The following CAPZA2 variants were observed in gnomAD, a reference collection of about 807,000 sequenced individuals.
CAPZA2 encodes the protein F-actin-capping protein subunit alpha-2.
Under a neutral mutation model 44.0 loss-of-function variants are expected in CAPZA2, and 13 were observed. That is an observed-to-expected ratio of 0.30 (90% CI 0.19 to 0.47). The LOEUF (loss-of-function observed/expected upper bound fraction) is 0.47. Ranked by LOEUF, CAPZA2 falls within the 20% of genes least tolerant of loss-of-function variation. CAPZA2 has a pLI of 1.00. For synonymous variants in CAPZA2, 94 were observed against 108.2 expected, an observed-to-expected ratio of 0.87 and a Z score of 0.81; for missense variants, 244 against 338.6, an observed-to-expected ratio of 0.72 and a Z score of 2.19.
At chr7:116,865,836 A>G (rs944931240) in intron 1 of CAPZA2, among the ~76,000 whole-genome samples, 1 of 151,870 alleles carries the variant, frequency 6.6e-6, no homozygotes, top group Non-Finnish European at 1.5e-5. Context: ...CCACTTGGGC[A>G]TCCTAAAGTG....
At chr7:116,898,890 T>C in intron 4 of CAPZA2, 55 bp downstream of exon 4, 1 of 1,060,478 alleles carries the variant, frequency 9.4e-7, no homozygotes, top group Non-Finnish European at 1.4e-6. Flanking sequence ...TAAGGTATCC[T>C]GCAAGAGCTG....
At chr7:116,907,620 A>T (rs1279952174) in intron 6 of CAPZA2, among the ~76,000 whole-genome samples, 1 of 152,194 alleles carries the variant, frequency 6.6e-6, no homozygotes, top group Non-Finnish European at 1.5e-5. Context: ...TTTAACATAT[A>T]TAAAATGAAG....
chr7:116,907,243 G>A (rs1791529670), intron 6 of CAPZA2, among the ~76,000 whole-genome samples: 1 of 152,126 alleles, frequency 6.6e-6, no homozygotes, highest in Non-Finnish European at 1.5e-5. Flanking sequence ...AAGAATATTT[G>A]GAGGAATGCA....
intron 1 of CAPZA2, among the ~76,000 whole-genome samples, chr7:116,864,359 C>T (rs1441444087): frequency 6.6e-6 from 1 of 152,140 alleles, no homozygotes. Flanking sequence ...GCCTTATTAT[C>T]TGGCACTCTC....
intron 4 of CAPZA2, among the ~76,000 whole-genome samples, chr7:116,899,675 T>C (rs1313185741): frequency 8.2e-5 from 12 of 146,226 alleles, no homozygotes; most frequent in African/African-American, 3.0e-4. Flanking sequence ...TTTTTTTTGC[T>C]TTTTCTTTAC....
intron 8 of CAPZA2, chr7:116,915,468 T>G (rs913303228): frequency 1.7e-4 from 26 of 152,286 alleles, no homozygotes; most frequent in African/African-American, 6.0e-4. Context: ...TTCATTGTTT[T>G]ATATTTTTAC....
chr7:116,912,755 T>G (rs1018743819), intron 8 of CAPZA2, among the ~76,000 whole-genome samples: 1 of 152,244 alleles, frequency 6.6e-6, no homozygotes. Context: ...GTTCTACTTT[T>G]TGCTGCTGTG....
chr7:116,902,410 A>G (rs1378302883), intron 4 of CAPZA2, among the ~76,000 whole-genome samples: 2 of 152,322 alleles, frequency 1.3e-5, no homozygotes, highest in East Asian at 3.9e-4. Context: ...ATATTTTATT[A>G]TATTTGCTCA....
intron 8 of CAPZA2, among the ~76,000 whole-genome samples, chr7:116,914,031 T>TC (rs1448405465): frequency 6.7e-6 from 1 of 148,972 alleles, no homozygotes; most frequent in Non-Finnish European, 1.5e-5. Context: ...GAAAATTTTT[T>TC]TTTTTTTTTT....
At chr7:116,877,670 T>A (rs1268404846) in intron 1 of CAPZA2, among the ~76,000 whole-genome samples, 1 of 152,244 alleles carries the variant, frequency 6.6e-6, no homozygotes, top group Non-Finnish European at 1.5e-5. Flanking sequence ...AGTGGAGCTG[T>A]AGTCTGAATC....
chr7:116,896,272 A>G (rs531611609), intron 3 of CAPZA2, among the ~76,000 whole-genome samples: 13 of 152,236 alleles, frequency 8.5e-5, no homozygotes, highest in Admixed American at 2.6e-4. Context: ...CCAACTCAGT[A>G]TGTTTCAGAG....
At chr7:116,914,426 C>A (rs1791648675) in intron 8 of CAPZA2, among the ~76,000 whole-genome samples, 1 of 119,222 alleles carries the variant, frequency 8.4e-6, no homozygotes, top group South Asian at 3.2e-4. Context: ...TTTACATATA[C>A]ATACATACAC....
intron 3 of CAPZA2, among the ~76,000 whole-genome samples, chr7:116,894,761 T>C (rs1307641476): frequency 6.6e-6 from 1 of 152,230 alleles, no homozygotes; most frequent in Non-Finnish European, 1.5e-5. Flanking sequence ...TATTTGCCTT[T>C]TGTGACTGGT....
chr7:116,873,522 C>G (rs1031443997), intron 1 of CAPZA2: 1 of 152,894 alleles, frequency 6.5e-6, no homozygotes, highest in African/African-American at 2.4e-5. Flanking sequence ...TTTAAAATCT[C>G]CTGGAACTCA....
intron 1 of CAPZA2, among the ~76,000 whole-genome samples, chr7:116,869,649 C>T (rs1796525372): frequency 6.6e-6 from 1 of 152,114 alleles, no homozygotes; most frequent in Non-Finnish European, 1.5e-5. Context: ...GGATATAGTT[C>T]AGTAACAAAA....
At chr7:116,885,302 G>A (rs1585005862) in intron 1 of CAPZA2, among the ~76,000 whole-genome samples, 1 of 150,756 alleles carries the variant, frequency 6.6e-6, no homozygotes, top group Non-Finnish European at 1.5e-5. Context: ...TTGGTATCAT[G>A]TCTGTGTGTG....
At chr7:116,893,870 G>T (rs923277900) in intron 3 of CAPZA2, among the ~76,000 whole-genome samples, 1 of 152,042 alleles carries the variant, frequency 6.6e-6, no homozygotes, top group African/African-American at 2.4e-5. Flanking sequence ...ATGACTTTTC[G>T]CAGCTATCCT....
intron 7 of CAPZA2, among the ~76,000 whole-genome samples, chr7:116,911,217 G>A (rs992583347): frequency 3.3e-5 from 5 of 152,118 alleles, no homozygotes; most frequent in Non-Finnish European, 7.4e-5. Context: ...AGGATTGTCT[G>A]ATTCACAGTA....
chr7:116,913,166 C>A (rs1203420472), intron 8 of CAPZA2, among the ~76,000 whole-genome samples: 1 of 152,130 alleles, frequency 6.6e-6, no homozygotes, highest in East Asian at 1.9e-4. Flanking sequence ...TTCATATATT[C>A]TGGATACAAG....
Sources: allele counts gnomAD v4.1 joint callset (sites outside exome capture counted in the v4.1 genomes callset), GRCh38; gene constraint gnomAD v4.1.1; transcripts MANE v1.5; gene names NCBI Gene and HGNC (gene_info 2026-07-23, HGNC 2026-07-21).